Variants in ATG5 observed in about 807,000 individuals in gnomAD.
ATG5 encodes the protein autophagy related 5, also known as autophagy protein 5.
Under a neutral mutation model 36.5 loss-of-function variants are expected in ATG5, and 14 were observed. The ratio of observed to expected loss-of-function variants is 0.38; its 90% confidence interval spans 0.25 to 0.60. ATG5 has a LOEUF of 0.60. Ranked by LOEUF, ATG5 falls within the 20% of genes least tolerant of loss-of-function variation. ATG5 has a pLI of 0.60. For missense variants in ATG5, 195 were observed against 326.7 expected (o/e 0.60, Z 3.11); for synonymous variants, 95 against 101.5 (o/e 0.94, Z 0.38).
intron 6 of ATG5, among the ~76,000 whole-genome samples, chr6:106,224,223 A>G (rs1448843573): frequency 2.0e-5 from 3 of 152,234 alleles, no homozygotes; most frequent in Non-Finnish European, 4.4e-5. Flanking sequence ...CAGTCTAGCT[A>G]TATTTTAGGA....
chr6:106,301,066 C>CT (rs1328232082), intron 3 of ATG5, among the ~76,000 whole-genome samples: 6 of 151,960 alleles, frequency 3.9e-5, no homozygotes, highest in African/African-American at 1.4e-4. Flanking sequence ...TAATATAAAA[C>CT]TAACAAATAT....
intron 7 of ATG5, among the ~76,000 whole-genome samples, chr6:106,196,397 A>C (rs887810350): frequency 6.6e-6 from 1 of 152,234 alleles, no homozygotes; most frequent in Admixed American, 6.5e-5. Context: ...CAGGAGATGG[A>C]GACCTGTGTT....
chr6:106,188,007 A>C (rs778942153), intron 7 of ATG5, among the ~76,000 whole-genome samples: 4 of 152,234 alleles, frequency 2.6e-5, no homozygotes, highest in Middle Eastern at 3.2e-3. Context: ...TCACTTTATA[A>C]TACTACTAAC....
chr6:106,277,081 T>A (rs1308142172), intron 5 of ATG5, among the ~76,000 whole-genome samples: 3 of 152,210 alleles, frequency 2.0e-5, no homozygotes, highest in Admixed American at 2.0e-4. Context: ...AAAAATGTAA[T>A]TTACAGTATA....
At chr6:106,246,392 TCACA>T (rs72252671) in intron 6 of ATG5, among the ~76,000 whole-genome samples, 31,733 of 129,336 alleles carry the variant, frequency 0.25, 3,732 homozygotes, top group African/African-American at 0.32. Flanking sequence ...TCTCTCTCTC[TCACA>T]CACACACACA....
intron 6 of ATG5, among the ~76,000 whole-genome samples, chr6:106,239,389 T>C (rs954921551): frequency 6.6e-6 from 1 of 152,134 alleles, no homozygotes; most frequent in African/African-American, 2.4e-5. Flanking sequence ...CTTAATATCA[T>C]AAGAAAGTGA....
At chr6:106,233,923 T>C (rs973175776) in intron 6 of ATG5, among the ~76,000 whole-genome samples, 11 of 152,166 alleles carry the variant, frequency 7.2e-5, no homozygotes, top group African/African-American at 1.2e-4. Context: ...CCCCATCAAA[T>C]AGGAGTTTAC....
intron 5 of ATG5, among the ~76,000 whole-genome samples, chr6:106,250,909 C>T (rs1778548235): frequency 6.6e-6 from 1 of 152,218 alleles, no homozygotes; most frequent in Admixed American, 6.5e-5. Flanking sequence ...ATCTCTACTG[C>T]AACAACTATC....
chr6:106,277,132 C>A (rs927813858), intron 5 of ATG5, among the ~76,000 whole-genome samples: 2 of 152,204 alleles, frequency 1.3e-5, no homozygotes, highest in African/African-American at 4.8e-5. Flanking sequence ...CTTGATACCA[C>A]AGAAATGCCC....
chr6:106,316,039 A>T, intron 2 of ATG5, 62 bp downstream of exon 2: 1 of 1,380,258 alleles, frequency 7.2e-7, no homozygotes, highest in Admixed American at 2.0e-5. Flanking sequence ...AAGTTCTTAC[A>T]GCTTTTTCTT....
chr6:106,317,020 T>C (rs1770877503), intron 1 of ATG5, among the ~76,000 whole-genome samples: 1 of 152,184 alleles, frequency 6.6e-6, no homozygotes, highest in African/African-American at 2.4e-5. Flanking sequence ...CACTTGGATC[T>C]CTCAGAATAT....
intron 6 of ATG5, among the ~76,000 whole-genome samples, chr6:106,218,461 A>G (rs1777123202): frequency 6.6e-6 from 1 of 152,212 alleles, no homozygotes; most frequent in South Asian, 2.1e-4. Flanking sequence ...AAACTATTCA[A>G]TTGTATGTGA....
At chr6:106,202,319 A>C in intron 6 of ATG5, 1 of 423,416 alleles carries the variant, frequency 2.4e-6, no homozygotes, top group Non-Finnish European at 4.3e-6. Context: ...GGGACATTCT[A>C]AAGATAATTG....
chr6:106,235,476 TG>T lies in ATG5; in HGVS notation c.573+12673del, dbSNP rs58256890. ...ACAGCACTTGGGTTTTCCTGTTGAG[TG>T]GGGGGACTGAGAGACAGGATTAGCT... is the stretch of plus-strand genomic sequence containing the variant. On this transcript the variant is annotated intron_variant, in intron 6 of 7. Coordinates refer to ENST00000369076, the MANE Select transcript of ATG5 (RefSeq NM_004849.4). Among the ~76,000 whole-genome samples, 695 of 133,668 alleles carry T rather than the reference TG, an allele frequency of 5.2e-3. 5 individuals are homozygous for T. The highest frequency in any genetic ancestry group is 0.016 in the African/African-American group (659 of 40,150). The allele number at this position is 133,668 out of a possible 152,430, so 87.7% of individuals were successfully genotyped here. A position where few individuals can be genotyped will look rare whatever the true frequency, so the allele number is the denominator to read the frequency against.
chr6:106,197,906 G>GA (rs1172182991), intron 7 of ATG5, among the ~76,000 whole-genome samples: 2 of 151,920 alleles, frequency 1.3e-5, no homozygotes, highest in Non-Finnish European at 2.9e-5. Context: ...CTCAAAAAGG[G>GA]AAAAAAACAC....
chr6:106,298,158 T>C (rs985354317), intron 3 of ATG5, among the ~76,000 whole-genome samples: 1 of 151,700 alleles, frequency 6.6e-6, no homozygotes, highest in Non-Finnish European at 1.5e-5. Context: ...AGAGATGGGG[T>C]TTCTGTTGGC....
intron 3 of ATG5, among the ~76,000 whole-genome samples, chr6:106,303,204 G>C (rs1418375575): frequency 6.6e-6 from 1 of 151,302 alleles, no homozygotes; most frequent in Non-Finnish European, 1.5e-5. Context: ...AGTAAAATTG[G>C]TAAACCTCTA....
intron 5 of ATG5, among the ~76,000 whole-genome samples, chr6:106,253,762 C>T (rs2114530705): frequency 6.6e-6 from 1 of 152,206 alleles, no homozygotes; most frequent in South Asian, 2.1e-4. Flanking sequence ...GGCCATAAAA[C>T]ATAATGCTTT....
chr6:106,318,439 T>C (rs1157308576), intron 1 of ATG5, among the ~76,000 whole-genome samples: 2 of 152,142 alleles, frequency 1.3e-5, no homozygotes. Context: ...CCAAAAGAGA[T>C]ACAAATATAG....
Sources: allele counts gnomAD v4.1 joint callset (sites outside exome capture counted in the v4.1 genomes callset), GRCh38; gene constraint gnomAD v4.1.1; transcripts MANE v1.5; gene names NCBI Gene and HGNC (gene_info 2026-07-23, HGNC 2026-07-21).